TTLL5: variants seen among roughly 807,000 people sequenced by gnomAD.
TTLL5 encodes the protein tubulin polyglutamylase TTLL5.
In TTLL5, 132 loss-of-function variants were observed where a neutral mutation model predicts 168.4. The observed-to-expected ratio is 0.78, with a 90% CI of 0.68 to 0.91. The LOEUF (loss-of-function observed/expected upper bound fraction) is 0.91. TTLL5 is among the 40% of genes least tolerant of loss of function. The pLI, the probability that TTLL5 is intolerant of heterozygous loss-of-function variation, is 0.00. For synonymous variants in TTLL5, 546 were observed against 558.6 expected (o/e 0.98, Z 0.32); for missense variants, 1,545 against 1,581.5 (o/e 0.98, Z 0.39).
At chr14:75,935,476 A>G (rs901715539) in intron 31 of TTLL5, among the ~76,000 whole-genome samples, 3 of 152,228 alleles carry the variant, frequency 2.0e-5, no homozygotes, top group Non-Finnish European at 4.4e-5. Context: ...ACAAGATGAT[A>G]GGCTGATTCT....
chr14:75,688,534 G>A (rs185050393), intron 5 of TTLL5, among the ~76,000 whole-genome samples: 11 of 152,286 alleles, frequency 7.2e-5, no homozygotes, highest in African/African-American at 2.6e-4. Context: ...TTGATCCCAA[G>A]GAGGGAGTCG....
chr14:75,823,465 G>A (rs954953253), intron 28 of TTLL5, among the ~76,000 whole-genome samples: 5 of 152,092 alleles, frequency 3.3e-5, no homozygotes, highest in African/African-American at 1.2e-4. Flanking sequence ...AATGATTTGG[G>A]AAGAACAGGG....
chr14:75,744,580 T>A (rs1482120957), intron 15 of TTLL5: 4 of 152,804 alleles, frequency 2.6e-5, no homozygotes, highest in African/African-American at 4.8e-5. Context: ...ATCTCAATAT[T>A]TCCCCCTCAA....
At chr14:75,673,440 A>G (rs998649063) in intron 3 of TTLL5, among the ~76,000 whole-genome samples, 17 of 152,172 alleles carry the variant, frequency 1.1e-4, no homozygotes, top group African/African-American at 3.9e-4. Context: ...GTCTTGTGGT[A>G]TGGTGGAAAG....
chr14:75,696,126 G>A (rs529731850), intron 6 of TTLL5, among the ~76,000 whole-genome samples: 11 of 152,080 alleles, frequency 7.2e-5, no homozygotes, highest in African/African-American at 2.2e-4. Flanking sequence ...CTGGCCTCAA[G>A]GGATCCTCCT....
intron 3 of TTLL5, among the ~76,000 whole-genome samples, chr14:75,673,497 T>C (rs1210552799): frequency 1.3e-5 from 2 of 152,058 alleles, no homozygotes; most frequent in African/African-American, 4.8e-5. Context: ...CCAGCTTTGG[T>C]ATTTCTTAGC....
chr14:75,866,545 T>A (rs527769535), intron 29 of TTLL5, among the ~76,000 whole-genome samples: 1 of 152,372 alleles, frequency 6.6e-6, no homozygotes, highest in African/African-American at 2.4e-5. Flanking sequence ...ATATTATGTT[T>A]ATGAACAGCA....
Position 75,738,022 on chromosome 14 carries a change from A to G in TTLL5, c.1281+2733A>G, listed in dbSNP as rs530804835. The stretch of plus-strand genomic sequence containing the variant: ...TTGGAAATGTTTTCACATTGGGTGT[A>G]GGGTTGTATTTGAGTTCCTTAACAG... On this transcript the variant is annotated intron_variant, in intron 15 of 31. Coordinates refer to ENST00000298832, the MANE Select transcript of TTLL5 (RefSeq NM_015072.5). Among the ~76,000 whole-genome samples, 6 of 152,216 alleles carry G rather than the reference A, an allele frequency of 3.9e-5. No individual in the cohort carries two copies. In the East Asian group the frequency reaches 1.2e-3, roughly 29 times the overall value.
chr14:75,713,229 G>A lies in TTLL5; in HGVS notation c.741-4632G>A, dbSNP rs35261530. ...GTAATGGAGCTGAAAAATTTCTGTC[G>A]CCTAGTGACATTGTAACATCATAAC... On this transcript the variant is annotated intron_variant, in intron 9 of 31. Transcript: ENST00000298832. Among the ~76,000 whole-genome samples, 995 of 152,282 alleles carry A rather than the reference G, an allele frequency of 6.5e-3. 5 individuals are homozygous for A. The highest frequency in any genetic ancestry group is 0.01 in the African/African-American group (421 of 41,558).
chr14:75,708,667 G>A (rs1337519723), intron 9 of TTLL5, among the ~76,000 whole-genome samples: 2 of 152,154 alleles, frequency 1.3e-5, no homozygotes, highest in Non-Finnish European at 2.9e-5. Context: ...TGACTTACAA[G>A]ATTAAGTTCA....
chr14:75,693,898 T>C (rs939890982), intron 6 of TTLL5, among the ~76,000 whole-genome samples: 28 of 152,238 alleles, frequency 1.8e-4, no homozygotes, highest in African/African-American at 5.3e-4. Context: ...TTTAGAATTA[T>C]AAGAGATCTT....
At chr14:75,669,296 T>C in intron 2 of TTLL5, 120 bp from the exon 3 acceptor site, 1 of 845,130 alleles carries the variant, frequency 1.2e-6, no homozygotes, top group Non-Finnish European at 1.9e-6. Context: ...CACAGGATAT[T>C]TGGGATTTGT....
At position 75,690,300 on chromosome 14, in the gene TTLL5, A is replaced by T; in HGVS notation, c.480A>T (p.Pro160=). ...TCCTCCCCCAGACCTTCCTCCTGCC[A>T]GCTGAGTACGCGGAATTTTGTAGTA... ...FHILPQTFLL[P]AEYAEFCNSY... The change falls in exon 6 of 32, where the codon CCA becomes CCT. Residue 160 remains proline (P), a synonymous_variant. Coordinates refer to ENST00000298832, the MANE Select transcript of TTLL5 (RefSeq NM_015072.5). The T allele has an allele frequency of 6.2e-7, 1 of 1,608,530 alleles. No individual in the cohort carries two copies. The highest frequency in any genetic ancestry group is 8.5e-7 in the Non-Finnish European group (1 of 1,177,900).
At chr14:75,932,155 G>C (rs920234526) in intron 31 of TTLL5, among the ~76,000 whole-genome samples, 2 of 152,164 alleles carry the variant, frequency 1.3e-5, no homozygotes, top group Admixed American at 6.5e-5. Context: ...AACTACTTCT[G>C]TACTTCTTGT....
At chr14:75,697,661 C>G (rs1010182771) in intron 6 of TTLL5, among the ~76,000 whole-genome samples, 3 of 152,150 alleles carry the variant, frequency 2.0e-5, no homozygotes, top group Non-Finnish European at 4.4e-5. Context: ...CTAGAGAGCT[C>G]CTTCTGAAGA....
At chr14:75,908,555 T>C (rs532797418) in intron 31 of TTLL5, among the ~76,000 whole-genome samples, 1 of 152,348 alleles carries the variant, frequency 6.6e-6, no homozygotes, top group South Asian at 2.1e-4. Flanking sequence ...TGTGTTTGCA[T>C]TACATGTTTT....
chr14:75,682,754 GTT>G (rs749559283), intron 4 of TTLL5, among the ~76,000 whole-genome samples: 1 of 142,390 alleles, frequency 7.0e-6, no homozygotes, highest in Admixed American at 7.0e-5. Context: ...TTTTGAGGAA[GTT>G]TTTTTTTTTT....
chr14:75,882,790 ACT>A lies in TTLL5; in HGVS notation c.3631_3632del (p.Leu1211AlafsTer52). ...SATASGQKPT[T>X]LPQKVVPPPS... Reference sequence around the variant, plus strand: ...CACAGCTAGTGGCCAGAAGCCAACCACTCTGCCACAAAAAGTGGTACCACCTC... The same window carrying A: ...CACAGCTAGTGGCCAGAAGCCAACCACTGCCACAAAAAGTGGTACCACCTC... On this transcript the variant is annotated frameshift_variant, in exon 30 of 32. Transcript: ENST00000298832. LOFTEE classifies it high-confidence loss of function. 2 of 1,613,824 alleles carry A rather than the reference ACT, an allele frequency of 1.2e-6. No individual in the cohort carries two copies. The highest frequency in any genetic ancestry group is 1.7e-6 in the Non-Finnish European group (2 of 1,179,962).
chr14:75,723,951 G>A (rs552965429), intron 12 of TTLL5, among the ~76,000 whole-genome samples: 132 of 151,466 alleles, frequency 8.7e-4, no homozygotes, highest in Admixed American at 1.8e-3. Context: ...ATATTTGTAT[G>A]AGTCTCTGCC....
Sources: allele counts gnomAD v4.1 joint callset (sites outside exome capture counted in the v4.1 genomes callset), GRCh38; gene constraint gnomAD v4.1.1; transcripts MANE v1.5; gene names NCBI Gene and HGNC (gene_info 2026-07-23, HGNC 2026-07-21).